The following PTPRT variants were observed in gnomAD, a reference collection of about 807,000 sequenced individuals.
PTPRT encodes the protein receptor-type tyrosine-protein phosphatase T.
Under a neutral mutation model 176.8 loss-of-function variants are expected in PTPRT, and 56 were observed. The observed-to-expected ratio is 0.32, with a 90% CI of 0.26 to 0.40. The LOEUF (loss-of-function observed/expected upper bound fraction) is 0.40. PTPRT is among the 10% of genes least tolerant of loss of function. The pLI is 1.00. For synonymous variants in PTPRT, 783 were observed against 739.0 expected (o/e 1.06, Z -0.96); for missense variants, 1,540 against 1,908.2 (o/e 0.81, Z 3.60).
the PTPRT span, among the ~76,000 whole-genome samples, chr20:42,041,948 C>T: frequency 1.3e-5 from 2 of 152,114 alleles, no homozygotes; most frequent in Non-Finnish European, 2.9e-5. Context: ...ATAAATTCAC[C>T]CTGCCCTAAG....
At chr20:42,884,092 G>C (rs908731611) in intron 2 of PTPRT, among the ~76,000 whole-genome samples, 6 of 152,030 alleles carry the variant, frequency 3.9e-5, no homozygotes, top group African/African-American at 1.2e-4. Context: ...TGGATTCTTG[G>C]GGTCCCTAAT....
At chr20:42,865,184 T>G (rs1433723925) in intron 2 of PTPRT, among the ~76,000 whole-genome samples, 1 of 152,176 alleles carries the variant, frequency 6.6e-6, no homozygotes, top group Non-Finnish European at 1.5e-5. Context: ...TGTGTGGTAT[T>G]AGAGTTAGAA....
rs563274349 is a variant in PTPRT at position 42,823,042 on chromosome 20, T to C, written c.215-31576A>G. Among the ~76,000 whole-genome samples, 12 of 152,278 alleles carry C rather than the reference T, an allele frequency of 7.9e-5. No individual in the cohort carries two copies. The South Asian group carries it at 2.5e-3, about 32-fold the overall frequency. ...CCCAGCAATCCCATTACTGGGTATA[T>C]ACCCAGAGGAACGCAAATCATTCTA... is the stretch of plus-strand genomic sequence containing the variant. On this transcript the variant is annotated intron_variant, in intron 2 of 30. Transcript: ENST00000373187.
intron 7 of PTPRT, among the ~76,000 whole-genome samples, chr20:42,629,801 T>C (rs1179111347): frequency 6.6e-6 from 1 of 152,234 alleles, no homozygotes; most frequent in African/African-American, 2.4e-5. Flanking sequence ...GACCTGGCAA[T>C]AGGCCAAGGA....
intron 8 of PTPRT, among the ~76,000 whole-genome samples, chr20:42,458,675 A>G (rs1418049954): frequency 6.6e-6 from 1 of 152,136 alleles, no homozygotes; most frequent in Non-Finnish European, 1.5e-5. Flanking sequence ...CCTTACCTCA[A>G]TCTGCTCTAT....
At chr20:43,034,109 CTG>C (rs1487034053) in intron 1 of PTPRT, among the ~76,000 whole-genome samples, 3 of 152,254 alleles carry the variant, frequency 2.0e-5, no homozygotes, top group African/African-American at 7.2e-5. Flanking sequence ...TCTTTCCTGA[CTG>C]TGTGTTCCAT....
At chr20:42,779,995 ACT>A (rs2145496753) in intron 4 of PTPRT, among the ~76,000 whole-genome samples, 2 of 152,058 alleles carry the variant, frequency 1.3e-5, no homozygotes, top group South Asian at 4.2e-4. Context: ...ATGTTTTGCC[ACT>A]CTCTGCAAAT....
intron 7 of PTPRT, among the ~76,000 whole-genome samples, chr20:42,529,703 T>C (rs2072345029): frequency 6.6e-6 from 1 of 151,992 alleles, no homozygotes; most frequent in African/African-American, 2.4e-5. Context: ...GCCAGGCTGG[T>C]CTCGAACTTC....
chr20:42,540,811 A>G (rs1367931743), intron 7 of PTPRT, among the ~76,000 whole-genome samples: 1 of 152,142 alleles, frequency 6.6e-6, no homozygotes, highest in Admixed American at 6.6e-5. Flanking sequence ...AAAATAGTGT[A>G]AACATTGAAT....
chr20:42,566,968 T>A (rs1456071575), intron 7 of PTPRT, among the ~76,000 whole-genome samples: 1 of 152,094 alleles, frequency 6.6e-6, no homozygotes, highest in Non-Finnish European at 1.5e-5. Context: ...CAAAAGTAAA[T>A]GTTTATTAAG....
intron 2 of PTPRT, among the ~76,000 whole-genome samples, chr20:42,836,158 C>G (rs1284674799): frequency 6.6e-6 from 1 of 152,104 alleles, no homozygotes; most frequent in Admixed American, 6.5e-5. Context: ...CTGCCAGGAA[C>G]AGGTTACCCT....
intron 9 of PTPRT, among the ~76,000 whole-genome samples, chr20:42,371,187 G>A (rs1169937563): frequency 6.6e-6 from 1 of 152,210 alleles, no homozygotes; most frequent in East Asian, 1.9e-4. Flanking sequence ...AGTGGTTTCA[G>A]CCAGAGGTAA....
intron 7 of PTPRT, among the ~76,000 whole-genome samples, chr20:42,639,045 A>C (rs2074674853): frequency 6.6e-6 from 1 of 152,082 alleles, no homozygotes; most frequent in Non-Finnish European, 1.5e-5. Context: ...GAACCTTCCC[A>C]TTTGTTTCTT....
intron 6 of PTPRT, among the ~76,000 whole-genome samples, chr20:42,697,070 A>C (rs1192789987): frequency 6.6e-6 from 1 of 152,236 alleles, no homozygotes; most frequent in Non-Finnish European, 1.5e-5. Context: ...GTCTTAAAAA[A>C]GTCTTAGCTT....
intron 6 of PTPRT, among the ~76,000 whole-genome samples, chr20:42,714,715 T>C (rs2076197297): frequency 6.6e-6 from 1 of 152,108 alleles, no homozygotes; most frequent in South Asian, 2.1e-4. Context: ...TTCTGCCTGG[T>C]GGTTATTTTC....
chr20:42,680,361 A>C (rs1442190381), intron 6 of PTPRT, among the ~76,000 whole-genome samples: 1 of 152,222 alleles, frequency 6.6e-6, no homozygotes, highest in Admixed American at 6.5e-5. Flanking sequence ...AAAGCCATGG[A>C]GGTTATTACT....
intron 9 of PTPRT, among the ~76,000 whole-genome samples, chr20:42,436,340 T>C (rs1215690055): frequency 2.0e-5 from 3 of 152,190 alleles, no homozygotes; most frequent in Non-Finnish European, 4.4e-5. Context: ...ATCAAAAGTA[T>C]ATTATAAAAC....
intron 15 of PTPRT, among the ~76,000 whole-genome samples, chr20:42,211,830 A>G (rs906288826): frequency 2.0e-5 from 3 of 151,700 alleles, no homozygotes; most frequent in African/African-American, 7.3e-5. Context: ...TCATGCTGCT[A>G]TAAAGACACA....
At chr20:43,100,384 A>AAAAG (rs933417158) in intron 1 of PTPRT, among the ~76,000 whole-genome samples, 3 of 152,190 alleles carry the variant, frequency 2.0e-5, no homozygotes, top group Non-Finnish European at 2.9e-5. Flanking sequence ...CAATTTAAAA[A>AAAAG]AAAGAAAGAA....
Sources: allele counts gnomAD v4.1 joint callset (sites outside exome capture counted in the v4.1 genomes callset), GRCh38; gene constraint gnomAD v4.1.1; transcripts MANE v1.5; gene names NCBI Gene and HGNC (gene_info 2026-07-23, HGNC 2026-07-21).